ZFHX3: variants seen among roughly 807,000 people sequenced by gnomAD.
ZFHX3 encodes the protein zinc finger homeobox protein 3.
A neutral mutation model predicts 279.1 loss-of-function variants in ZFHX3; 42 were observed. The ratio of observed to expected loss-of-function variants is 0.15; its 90% CI spans 0.12 to 0.19. The LOEUF is 0.19. ZFHX3 is among the 10% of genes least tolerant of loss of function. The pLI is 1.00. For synonymous variants in ZFHX3, 2,293 were observed against 1,957.8 expected (o/e 1.17, Z -4.52); for missense variants, 4,981 against 4,754.0 (o/e 1.05, Z -1.40).
intron 3 of ZFHX3, among the ~76,000 whole-genome samples, chr16:72,922,090 T>G (rs1186616240): frequency 7.9e-5 from 12 of 152,146 alleles, no homozygotes; most frequent in Non-Finnish European, 1.5e-5. Context: ...ACTCTGCCAC[T>G]GAGTCACCGA....
chr16:73,413,591 C>A (rs150493337), intron 3 of ZFHX3, among the ~76,000 whole-genome samples: 20 of 152,074 alleles, frequency 1.3e-4, no homozygotes, highest in Non-Finnish European at 2.8e-4. Context: ...GAGAGGCAAT[C>A]GAAGTGAGAA....
Position 73,557,845 on chromosome 16 carries a change from G to A in ZFHX3, c.-1546-101587C>T, listed in dbSNP as rs137906936. ...ATTTTATCCAGCCCCTATTCAAGAT[G>A]GAGTTGCTCTGGTTCACACACCTGT... On this transcript the variant is annotated intron_variant, in intron 2 of 17. Coordinates refer to the ZFHX3 transcript ENST00000641206. Among the ~76,000 whole-genome samples the A allele has an allele frequency of 2.2e-4, 33 of 152,222 alleles. No homozygotes were observed. In the East Asian group the frequency reaches 6.4e-3, roughly 29 times the overall value.
chr16:73,023,497 G>A lies in ZFHX3; in HGVS notation c.-50+24255C>T, dbSNP rs202218018. Among the ~76,000 whole-genome samples, 12 of 152,156 alleles carry A rather than the reference G, an allele frequency of 7.9e-5. 1 individual carries two copies. In the East Asian group the frequency reaches 1.9e-3, roughly 25 times the overall value. ...AAGATAAGCACAGCAAGACAAGTGT[G>A]CACACTGTAATCATAAGCCACGAGG... On this transcript the variant is annotated intron_variant, in intron 1 of 9. Transcript: ENST00000268489.
chr16:73,542,173 T>C (rs936936014), intron 2 of ZFHX3, among the ~76,000 whole-genome samples: 1 of 152,004 alleles, frequency 6.6e-6, no homozygotes. Context: ...CTTGCACGAA[T>C]GCAGAAAGCG....
At chr16:72,956,191 C>T (rs1961242664) in intron 2 of ZFHX3, among the ~76,000 whole-genome samples, 2 of 152,196 alleles carry the variant, frequency 1.3e-5, no homozygotes, top group Non-Finnish European at 2.9e-5. Context: ...AGCACTCAAA[C>T]ACCACACAAA....
At chr16:73,721,242 C>T (rs2053470983) in intron 1 of ZFHX3, among the ~76,000 whole-genome samples, 1 of 152,234 alleles carries the variant, frequency 6.6e-6, no homozygotes, top group African/African-American at 2.4e-5. Context: ...CTGCCTCAGC[C>T]TCCCAGGGAG....
intron 1 of ZFHX3, among the ~76,000 whole-genome samples, chr16:72,989,383 G>A (rs571105230): frequency 1.3e-5 from 2 of 151,974 alleles, no homozygotes; most frequent in South Asian, 4.2e-4. Flanking sequence ...TCAGGAGGCT[G>A]AGGCAGGAGA....
At chr16:73,434,417 G>C (rs1396877381) in intron 3 of ZFHX3, among the ~76,000 whole-genome samples, 2 of 152,164 alleles carry the variant, frequency 1.3e-5, no homozygotes, top group Non-Finnish European at 2.9e-5. Context: ...AGGTCCTATG[G>C]AAACAGGCTA....
At chr16:73,202,490 T>C (rs2011641005) in intron 5 of ZFHX3, among the ~76,000 whole-genome samples, 1 of 152,160 alleles carries the variant, frequency 6.6e-6, no homozygotes, top group Non-Finnish European at 1.5e-5. Flanking sequence ...AGAATCAAAA[T>C]CAAAGTTGTA....
chr16:73,380,378 AG>A (rs1441981664), intron 3 of ZFHX3, among the ~76,000 whole-genome samples: 2 of 152,256 alleles, frequency 1.3e-5, no homozygotes, highest in African/African-American at 4.8e-5. Context: ...TCAGTAGAAT[AG>A]GTAACTTGCT....
At chr16:73,491,600 T>C (rs2019057444) in intron 2 of ZFHX3, among the ~76,000 whole-genome samples, 1 of 152,234 alleles carries the variant, frequency 6.6e-6, no homozygotes, top group Non-Finnish European at 1.5e-5. Flanking sequence ...GCACTGAGTC[T>C]CATTGGCTGG....
At chr16:73,582,468 T>C (rs571240321) in intron 2 of ZFHX3, among the ~76,000 whole-genome samples, 1 of 151,922 alleles carries the variant, frequency 6.6e-6, no homozygotes, top group Non-Finnish European at 1.5e-5. Flanking sequence ...CTAAATCTAA[T>C]GATAACTATT....
intron 2 of ZFHX3, among the ~76,000 whole-genome samples, chr16:72,951,855 G>A (rs965465953): frequency 1.6e-4 from 24 of 152,186 alleles, no homozygotes; most frequent in Non-Finnish European, 2.9e-4. Flanking sequence ...TGAAATATGG[G>A]TAGTGCAACT....
intron 2 of ZFHX3, among the ~76,000 whole-genome samples, chr16:73,550,445 G>A (rs1292758396): frequency 3.9e-5 from 6 of 152,200 alleles, no homozygotes; most frequent in South Asian, 2.1e-4. Context: ...TTTGGAGAAC[G>A]CCCGCCGTCC....
At chr16:73,226,467 G>A (rs968555894) in intron 5 of ZFHX3, among the ~76,000 whole-genome samples, 4 of 152,170 alleles carry the variant, frequency 2.6e-5, no homozygotes, top group African/African-American at 9.7e-5. Flanking sequence ...AGCAAGTACG[G>A]GCTCATGAGA....
intron 4 of ZFHX3, among the ~76,000 whole-genome samples, chr16:73,257,918 C>T (rs940417228): frequency 6.6e-6 from 1 of 152,160 alleles, no homozygotes; most frequent in African/African-American, 2.4e-5. Flanking sequence ...ATACTTGTGA[C>T]TGAATAAATA....
rs956200564 is a variant in ZFHX3 at position 73,152,104 on chromosome 16, C to A, written c.-1103-8273G>T. On this transcript the variant is annotated intron_variant, in intron 5 of 17. Transcript: ENST00000641206. ...AGATATTTTCAGTACATCCCAGGCA[C>A]CAAATAACTGCTCATATGTCCCGAA... Among the ~76,000 whole-genome samples the A allele has an allele frequency of 2.0e-5, 3 of 152,060 alleles. No homozygotes were observed. In the South Asian group the frequency reaches 6.2e-4, roughly 32 times the overall value.
chr16:72,800,729 CA>C (rs2036071942), intron 7 of ZFHX3, among the ~76,000 whole-genome samples: 1 of 150,318 alleles, frequency 6.7e-6, no homozygotes, highest in South Asian at 2.1e-4. Context: ...ACATCAAGCA[CA>C]AACAAGCCTT....
intron 2 of ZFHX3, among the ~76,000 whole-genome samples, chr16:73,577,556 C>T (rs147955089): frequency 1.3e-5 from 2 of 152,294 alleles, no homozygotes; most frequent in Admixed American, 6.5e-5. Flanking sequence ...CACTTCCGCT[C>T]ACCTGCCTGT....
Sources: allele counts gnomAD v4.1 joint callset (sites outside exome capture counted in the v4.1 genomes callset), GRCh38; gene constraint gnomAD v4.1.1; transcripts MANE v1.5; gene names NCBI Gene and HGNC (gene_info 2026-07-23, HGNC 2026-07-21).